Variants in CADM1 observed in about 807,000 individuals in gnomAD.
CADM1 encodes cell adhesion molecule 1.
A neutral mutation model predicts 53.1 loss-of-function variants in CADM1; 15 were observed. The observed-to-expected ratio is 0.28, with a 90% CI of 0.19 to 0.44. CADM1 has a LOEUF of 0.44. Among genes scored for constraint, CADM1 ranks in the 20% least tolerant of loss-of-function variants. CADM1 has a pLI of 1.00. For missense variants in CADM1, 434 were observed against 611.3 expected, an observed-to-expected ratio of 0.71 and a Z score of 3.06; for synonymous variants, 281 against 243.0, an observed-to-expected ratio of 1.16 and a Z score of -1.45.
At chr11:115,210,707 TGA>T (rs1430310435) in intron 7 of CADM1, among the ~76,000 whole-genome samples, 3 of 152,360 alleles carry the variant, frequency 2.0e-5, no homozygotes, top group African/African-American at 7.2e-5. Context: ...TATCTTCAAG[TGA>T]GCTCTCAGAT....
intron 1 of CADM1, among the ~76,000 whole-genome samples, chr11:115,284,255 T>C (rs1329111404): frequency 6.6e-6 from 1 of 151,888 alleles, no homozygotes; most frequent in East Asian, 1.9e-4. Flanking sequence ...TTTTGTGGCC[T>C]AGAGATGATC....
chr11:115,394,803 G>C (rs1035267994), intron 1 of CADM1, among the ~76,000 whole-genome samples: 2 of 151,992 alleles, frequency 1.3e-5, no homozygotes, highest in African/African-American at 4.8e-5. Context: ...TTATAGTCTT[G>C]ATGCAAAATT....
In CADM1 at chr11:115,176,058, C is replaced by A; in HGVS notation, c.*416G>T. On this transcript the variant is annotated 3_prime_UTR_variant, in exon 12 of 12. Coordinates refer to ENST00000331581, the MANE Select transcript of CADM1 (RefSeq NM_001301043.2). The stretch of plus-strand genomic sequence containing the variant: ...GGGAAGGAAAAGAGTCTAAGGAATC[C>A]CAGCAGGCAAATTCCAAAATGGGAG... The A allele has an allele frequency of 1.9e-6, 2 of 1,075,710 alleles. No homozygotes were observed. The highest frequency in any genetic ancestry group is 1.7e-5 in the African/African-American group (1 of 59,196). 66.6% of individuals were successfully genotyped at this position (1,075,710 alleles called of 1,614,324 possible). A position where few individuals can be genotyped will look rare whatever the true frequency, so the allele number is the denominator to read the frequency against.
Position 115,170,457 on chromosome 11 carries a change from TA to T in CADM1, c.*6016del. ...GTTTTTTGGGAATGAAAAAAATAAATAAAAACATAAAAATGAAACAAAGTTT... is the reference window on the plus strand; with the variant it reads ...GTTTTTTGGGAATGAAAAAAATAAATAAAACATAAAAATGAAACAAAGTTT... On this transcript the variant is annotated 3_prime_UTR_variant, in exon 12 of 12. Coordinates refer to ENST00000331581, the MANE Select transcript of CADM1 (RefSeq NM_001301043.2). 1 of 151,980 alleles carries T rather than the reference TA, an allele frequency of 6.6e-6. No individual in the cohort carries two copies. Among genetic ancestry groups the T allele is most frequent in the East Asian group, 1.9e-4 (1 of 5,160 alleles). The allele number at this position is 151,980 out of a possible 1,614,324, so 9.4% of individuals were successfully genotyped here.
intron 1 of CADM1, among the ~76,000 whole-genome samples, chr11:115,276,267 A>G (rs1286689007): frequency 6.6e-6 from 1 of 152,190 alleles, no homozygotes; most frequent in Middle Eastern, 3.2e-3. Flanking sequence ...ATGCATTTGT[A>G]TTTGTGCTTA....
intron 1 of CADM1, among the ~76,000 whole-genome samples, chr11:115,359,203 C>A (rs748653574): frequency 6.6e-6 from 1 of 152,148 alleles, no homozygotes; most frequent in Non-Finnish European, 1.5e-5. Context: ...AGTTTTCCAG[C>A]TGAGTGGCCA....
chr11:115,500,867 G>C (rs1949712378), intron 1 of CADM1, among the ~76,000 whole-genome samples: 1 of 152,150 alleles, frequency 6.6e-6, no homozygotes, highest in African/African-American at 2.4e-5. Context: ...AGCAGGCAGT[G>C]AGCCGGGGAC....
Position 115,217,954 on chromosome 11 carries a change from T to G in CADM1, c.759A>C (p.Leu253=), listed in dbSNP as rs530669537. The change falls in exon 6 of 12, where the codon CTA becomes CTC. Residue 253 remains leucine (L), a synonymous_variant. Transcript: ENST00000331581. The part of the protein sequence containing the change: ...PQVHIQMTYP[L]QGLTREGDAL... Reference sequence around the variant, plus strand: ...CGTCCCCTTCCCGGGTTAAGCCTTGTAGAGGATAAGTCATCTGAATGTGCA... The same window carrying G: ...CGTCCCCTTCCCGGGTTAAGCCTTGGAGAGGATAAGTCATCTGAATGTGCA... The G allele has an allele frequency of 1.9e-6, 3 of 1,613,590 alleles. No homozygotes were observed. Among genetic ancestry groups the G allele is most frequent in the Non-Finnish European group, 2.5e-6 (3 of 1,179,618 alleles).
intron 1 of CADM1, among the ~76,000 whole-genome samples, chr11:115,393,620 A>T (rs921456244): frequency 6.1e-5 from 9 of 147,104 alleles, no homozygotes; most frequent in Admixed American, 6.7e-5. Context: ...TTCCCCTATT[A>T]AAAAAAAATC....
chr11:115,231,350 T>C lies in CADM1; in HGVS notation c.562+3A>G, dbSNP rs757838824. On this transcript the variant is annotated splice_donor_region_variant and intron_variant, in intron 4 of 11. Coordinates refer to ENST00000331581, the MANE Select transcript of CADM1 (RefSeq NM_001301043.2). ...CTTCAGTGTGTGGCAATCTGCAGCT[T>C]ACCTTTTAGCTCTGTGTTCCCTTTG... 3.3e-5 allele frequency: 53 copies of C among 1,614,192 alleles called. 1 individual carries two copies. In the East Asian group the frequency reaches 1.1e-3, roughly 33 times the overall value.
At chr11:115,269,269 A>C (rs1943231722) in intron 1 of CADM1, among the ~76,000 whole-genome samples, 1 of 152,076 alleles carries the variant, frequency 6.6e-6, no homozygotes, top group African/African-American at 2.4e-5. Context: ...CAACTCTCTA[A>C]ATTCCCCCAA....
At chr11:115,490,019 A>G (rs890578596) in intron 1 of CADM1, among the ~76,000 whole-genome samples, 11 of 152,210 alleles carry the variant, frequency 7.2e-5, no homozygotes, top group Non-Finnish European at 1.0e-4. Context: ...CATGAAGGAC[A>G]CTGCAGGACA....
Position 115,209,674 on chromosome 11 carries a change from A to G in CADM1, c.995-17T>C, listed in dbSNP as rs1324295441. On this transcript the variant is annotated splice_polypyrimidine_tract_variant and intron_variant, in intron 7 of 11. Transcript: ENST00000331581. The stretch of plus-strand genomic sequence containing the variant: ...TGGGGGGATCTGGATAGAAAAAAAA[A>G]GGAAAATCAAACCCACAATGCTGAA... The G allele has an allele frequency of 4.3e-6, 7 of 1,612,566 alleles. No homozygotes were observed. The highest frequency in any genetic ancestry group is 2.2e-5 in the East Asian group (1 of 44,868).
chr11:115,215,628 C>T (rs972018486), intron 6 of CADM1, among the ~76,000 whole-genome samples: 2 of 152,320 alleles, frequency 1.3e-5, no homozygotes, highest in Middle Eastern at 3.4e-3. Context: ...TAAAGTGCCA[C>T]ATTTGTATCC....
intron 1 of CADM1, among the ~76,000 whole-genome samples, chr11:115,318,204 T>C (rs554873031): frequency 3.3e-5 from 5 of 152,286 alleles, no homozygotes; most frequent in Non-Finnish European, 5.9e-5. Flanking sequence ...AATGCATCAA[T>C]TCCCTTCCAT....
intron 1 of CADM1, among the ~76,000 whole-genome samples, chr11:115,290,795 A>C (rs1271033483): frequency 6.6e-6 from 1 of 152,222 alleles, no homozygotes; most frequent in Non-Finnish European, 1.5e-5. Flanking sequence ...AAAGTAAGCT[A>C]TTTCAACTTG....
intron 1 of CADM1, among the ~76,000 whole-genome samples, chr11:115,309,492 T>G (rs924368126): frequency 6.6e-6 from 1 of 152,184 alleles, no homozygotes; most frequent in Non-Finnish European, 1.5e-5. Context: ...TTATGCCAAT[T>G]CAATCATTCA....
chr11:115,232,640 TGTGATA>T (rs1941861848), intron 3 of CADM1, among the ~76,000 whole-genome samples: 1 of 152,122 alleles, frequency 6.6e-6, no homozygotes, highest in African/African-American at 2.4e-5. Context: ...GAGTATGTAG[TGTGATA>T]GTGATAGTGA....
intron 1 of CADM1, among the ~76,000 whole-genome samples, chr11:115,284,376 G>C (rs1233678325): frequency 2.0e-5 from 3 of 151,926 alleles, no homozygotes; most frequent in African/African-American, 7.3e-5. Flanking sequence ...CAAGAGAAGG[G>C]AACAATAGGC....
Sources: allele counts gnomAD v4.1 joint callset (sites outside exome capture counted in the v4.1 genomes callset), GRCh38; gene constraint gnomAD v4.1.1; transcripts MANE v1.5; gene names NCBI Gene and HGNC (gene_info 2026-07-23, HGNC 2026-07-21).